The following EPHA4 variants were observed in gnomAD, a reference collection of about 807,000 sequenced individuals.
The protein encoded by EPHA4 is ephrin type-A receptor 4.
EPHA4 carries 19 observed loss-of-function variants against 108.3 expected under a neutral mutation model. That is an observed-to-expected ratio of 0.18 (90% CI 0.12 to 0.26). The LOEUF (loss-of-function observed/expected upper bound fraction) is 0.26. Among genes scored for constraint, EPHA4 ranks in the 10% least tolerant of loss-of-function variants. The pLI is 1.00. For synonymous variants in EPHA4, 449 were observed against 455.5 expected (o/e 0.99, Z 0.18); for missense variants, 917 against 1,254.0 (o/e 0.73, Z 4.06).
intron 4 of EPHA4, among the ~76,000 whole-genome samples, chr2:221,485,033 A>G (rs997188997): frequency 5.9e-5 from 9 of 152,176 alleles, no homozygotes; most frequent in African/African-American, 2.2e-4. Flanking sequence ...CAAATGGGTC[A>G]GTCATTGGTT....
At chr2:221,455,152 G>T (rs921444915) in intron 8 of EPHA4, among the ~76,000 whole-genome samples, 9 of 152,180 alleles carry the variant, frequency 5.9e-5, no homozygotes, top group Non-Finnish European at 1.3e-4. Flanking sequence ...ACTCAAAAAG[G>T]TTTATGTAGT....
At chr2:221,452,119 G>T (rs970396624) in intron 8 of EPHA4, among the ~76,000 whole-genome samples, 1 of 152,194 alleles carries the variant, frequency 6.6e-6, no homozygotes, top group Non-Finnish European at 1.5e-5. Context: ...TTCTCACTAC[G>T]TGAGTTTCTG....
intron 4 of EPHA4, among the ~76,000 whole-genome samples, chr2:221,483,790 A>T (rs769077058): frequency 6.6e-6 from 1 of 152,036 alleles, no homozygotes; most frequent in Admixed American, 6.6e-5. Context: ...GTGAGCCACC[A>T]TGCCCGGCCA....
At chr2:221,424,791 C>G (rs958582639) in intron 17 of EPHA4, among the ~76,000 whole-genome samples, 1 of 152,190 alleles carries the variant, frequency 6.6e-6, no homozygotes, top group Non-Finnish European at 1.5e-5. Context: ...GGTAAACTCT[C>G]CAAAGGACGG....
Position 221,425,819 on chromosome 2 carries a change from C to T in EPHA4, c.*209G>A. ...AGTACTTCTGAGAAACGATTTGTTC[C>T]AGGTCTCATTCAAATGACCGGCAGT... On this transcript the variant is annotated 3_prime_UTR_variant, in exon 17 of 18. Coordinates refer to ENST00000281821, the MANE Select transcript of EPHA4 (RefSeq NM_004438.5). 3.6e-6 allele frequency: 2 copies of T among 561,264 alleles called. No individual in the cohort carries two copies. Among genetic ancestry groups the T allele is most frequent in the East Asian group, 3.0e-5 (1 of 33,776 alleles). 34.8% of individuals were successfully genotyped at this position (561,264 alleles called of 1,614,324 possible). A position where few individuals can be genotyped will look rare whatever the true frequency, so the allele number is the denominator to read the frequency against.
chr2:221,560,638 A>G (rs1694434473), intron 3 of EPHA4, among the ~76,000 whole-genome samples: 1 of 152,196 alleles, frequency 6.6e-6, no homozygotes, highest in African/African-American at 2.4e-5. Flanking sequence ...CAGAAATGCT[A>G]GTATCAAGTT....
chr2:221,477,866 T>C lies in EPHA4; in HGVS notation c.1318+4486A>G, dbSNP rs556697790. ...TTAGAGATTAGCTGGTTTAAATAAT[T>C]ACGTAATGCATCAAATATTTTAACT... On this transcript the variant is annotated intron_variant, in intron 5 of 17. Transcript: ENST00000281821. Among the ~76,000 whole-genome samples, 40 of 152,284 alleles carry C rather than the reference T, an allele frequency of 2.6e-4. 1 individual carries two copies. Among genetic ancestry groups the C allele is most frequent in the Non-Finnish European group, 4.7e-4 (32 of 68,030 alleles).
intron 11 of EPHA4, among the ~76,000 whole-genome samples, chr2:221,440,565 T>C (rs1690390104): frequency 6.6e-6 from 1 of 151,566 alleles, no homozygotes; most frequent in Non-Finnish European, 1.5e-5. Context: ...AATTATAGCC[T>C]TCACCTTATG....
In EPHA4 at chr2:221,566,920, G is replaced by A. The variant is rs1308681341; in HGVS notation, c.159+1798C>T. On this transcript the variant is annotated intron_variant, in intron 2 of 17. Transcript: ENST00000281821. ...GGAGAAGGAGAAGGAGAAGGAGAAGGAGAAGGAGAAGGAGAAGGAGAAGGA... is the reference window on the plus strand; with the variant it reads ...GGAGAAGGAGAAGGAGAAGGAGAAGAAGAAGGAGAAGGAGAAGGAGAAGGA... 4.8e-3 allele frequency among the ~76,000 whole-genome samples: 176 copies of A among 36,378 alleles called. 36 individuals carry two copies. Among genetic ancestry groups the A allele is most frequent in the Middle Eastern group, 9.8e-3 (1 of 102 alleles). The allele number at this position is 36,378 out of a possible 152,430, so 23.9% of individuals were successfully genotyped here.
chr2:221,461,773 C>A (rs1574582861), intron 5 of EPHA4, among the ~76,000 whole-genome samples: 1 of 152,062 alleles, frequency 6.6e-6, no homozygotes, highest in African/African-American at 2.4e-5. Context: ...AAAGAAAAAA[C>A]ACTTTCTAAT....
intron 3 of EPHA4, among the ~76,000 whole-genome samples, chr2:221,545,296 C>T (rs1014048329): frequency 3.9e-5 from 6 of 151,980 alleles, no homozygotes; most frequent in Non-Finnish European, 7.4e-5. Context: ...GGTGAAACTC[C>T]GTCTCTACTA....
At chr2:221,532,962 G>C (rs1004465517) in intron 3 of EPHA4, 3 of 152,236 alleles carry the variant, frequency 2.0e-5, no homozygotes, top group African/African-American at 7.2e-5. Context: ...TTGGCCTTCT[G>C]TAGGGGGAGT....
intron 2 of EPHA4, among the ~76,000 whole-genome samples, chr2:221,566,801 G>A (rs35574019): frequency 0.43 from 51,165 of 118,666 alleles, 11,094 homozygotes; most frequent in African/African-American, 0.5. Context: ...AAGAAGAAGA[G>A]GGAGAAGAAG....
chr2:221,426,003 A>G lies in EPHA4; in HGVS notation c.*25T>C, dbSNP rs368299514. ...ATGGATGAGGTAAACTAATTTCAAGAGTTTTGAGTTTATTCAGTACTGGCT... is the reference window on the plus strand; with the variant it reads ...ATGGATGAGGTAAACTAATTTCAAGGGTTTTGAGTTTATTCAGTACTGGCT... On this transcript the variant is annotated 3_prime_UTR_variant, in exon 17 of 18. Coordinates refer to ENST00000281821, the MANE Select transcript of EPHA4 (RefSeq NM_004438.5). 11 of 1,595,584 alleles carry G rather than the reference A, an allele frequency of 6.9e-6. No individual in the cohort carries two copies. Among genetic ancestry groups the G allele is most frequent in the Non-Finnish European group, 9.5e-6 (11 of 1,163,798 alleles).
chr2:221,450,639 A>G (rs1452234605), intron 8 of EPHA4, among the ~76,000 whole-genome samples: 1 of 152,152 alleles, frequency 6.6e-6, no homozygotes, highest in Non-Finnish European at 1.5e-5. Flanking sequence ...TTAGGCCTCC[A>G]GTACCTAATA....
rs537380572 is a variant in EPHA4, at chr2:221,491,726, T to C, written c.980-9036A>G. Among the ~76,000 whole-genome samples the C allele has an allele frequency of 1.6e-3, 242 of 152,252 alleles. 1 individual carries two copies. The highest frequency in any genetic ancestry group is 2.9e-3 in the Non-Finnish European group (197 of 68,014). ...TTATCTTTTCTGCCTTGTTCCTACC[T>C]TCTGTGCAAGAGAGTGGCTAGGAGT... On this transcript the variant is annotated intron_variant, in intron 4 of 17. Transcript: ENST00000281821.
At chr2:221,433,056 C>T (rs922161180) in intron 14 of EPHA4, among the ~76,000 whole-genome samples, 5 of 152,002 alleles carry the variant, frequency 3.3e-5, no homozygotes, top group African/African-American at 9.7e-5. Context: ...GAACTCCTGA[C>T]CTTGTGATCC....
chr2:221,461,057 T>G (rs1402785670), intron 5 of EPHA4, among the ~76,000 whole-genome samples: 1 of 152,226 alleles, frequency 6.6e-6, no homozygotes, highest in African/African-American at 2.4e-5. Flanking sequence ...TGCTGGACAC[T>G]CTTACTTCTC....
chr2:221,548,543 A>G lies in EPHA4; in HGVS notation c.823+15188T>C, dbSNP rs538002843. On this transcript the variant is annotated intron_variant, in intron 3 of 17. Coordinates refer to ENST00000281821, the MANE Select transcript of EPHA4 (RefSeq NM_004438.5). Reference sequence around the variant, plus strand: ...GCCTGCAGAACCATGAGACAATTAAACCACTTTTTTTTTTTAATAAATCAC... The same window carrying G: ...GCCTGCAGAACCATGAGACAATTAAGCCACTTTTTTTTTTTAATAAATCAC... Among the ~76,000 whole-genome samples, 233 of 150,016 alleles carry G rather than the reference A, an allele frequency of 1.6e-3. 1 individual carries two copies. The highest frequency in any genetic ancestry group is 3.5e-3 in the Admixed American group (52 of 15,050).
Sources: gnomAD v4.1 joint callset for allele counts (sites outside exome capture counted in the v4.1 genomes callset) on GRCh38, gnomAD v4.1.1 for gene constraint, MANE v1.5 for transcripts, NCBI Gene and HGNC (gene_info 2026-07-23, HGNC 2026-07-21) for gene names.